AKAP6: variants seen among roughly 807,000 people sequenced by gnomAD.
The protein encoded by AKAP6 is A-kinase anchoring protein 6.
Under a neutral mutation model 188.5 loss-of-function variants are expected in AKAP6, and 58 were observed. That is an observed-to-expected ratio of 0.31 (90% CI 0.25 to 0.38). The LOEUF is 0.38. Among genes scored for constraint, AKAP6 ranks in the 10% least tolerant of loss-of-function variants. AKAP6 has a pLI of 1.00. For synonymous variants in AKAP6, 989 were observed against 998.6 expected (o/e 0.99, Z 0.18); for missense variants, 2,710 against 2,740.0 (o/e 0.99, Z 0.24).
chr14:32,683,870 A>G (rs1475030969), intron 8 of AKAP6, among the ~76,000 whole-genome samples: 1 of 152,186 alleles, frequency 6.6e-6, no homozygotes, highest in Non-Finnish European at 1.5e-5. Context: ...TCAAATAAGA[A>G]ATAGTCCCTG....
intron 9 of AKAP6, among the ~76,000 whole-genome samples, chr14:32,730,828 C>T (rs111351025): frequency 2.7e-4 from 41 of 152,274 alleles, no homozygotes; most frequent in African/African-American, 4.8e-4. Context: ...CTCCAATCAT[C>T]GCTCTGACAA....
At chr14:32,729,953 G>A (rs2031091871) in intron 9 of AKAP6, among the ~76,000 whole-genome samples, 1 of 152,074 alleles carries the variant, frequency 6.6e-6, no homozygotes, top group East Asian at 1.9e-4. Context: ...GGATAAAGTA[G>A]CCCCACTTGA....
chr14:32,825,725 G>C (rs1046538766), intron 13 of AKAP6, among the ~76,000 whole-genome samples: 47 of 152,214 alleles, frequency 3.1e-4, no homozygotes, highest in African/African-American at 1.0e-3. Flanking sequence ...TTTCAAATGT[G>C]AGAGTCATAT....
intron 4 of AKAP6, among the ~76,000 whole-genome samples, chr14:32,554,708 C>G (rs1188179551): frequency 1.3e-5 from 2 of 152,058 alleles, no homozygotes; most frequent in African/African-American, 4.8e-5. Context: ...TAAGTAGCCA[C>G]TTGTATAAGG....
At chr14:32,703,129 A>G (rs541106524) in intron 9 of AKAP6, among the ~76,000 whole-genome samples, 1 of 152,328 alleles carries the variant, frequency 6.6e-6, no homozygotes, top group East Asian at 1.9e-4. Context: ...GTTTAAAAAA[A>G]TAAAACTTGA....
rs746781296 is a variant in AKAP6, at chr14:32,735,723, G to A, written c.3213G>A (p.Leu1071=). 5 of 1,613,366 alleles carry A rather than the reference G, an allele frequency of 3.1e-6. No homozygotes were observed. Among genetic ancestry groups the A allele is most frequent in the East Asian group, 2.2e-5 (1 of 44,858 alleles). ...AGHSGSSPRD[L]LSPESGSLVR... is the part of the protein sequence containing the mutation. ...ACAGTGGGTCGAGTCCACGTGACCT[G>A]CTCTCTCCTGAAAGTGGAAGCCTGG... Residue 1071 remains leucine (L), a synonymous_variant, in exon 11 of 14, where the codon CTG becomes CTA. Transcript: ENST00000280979.
At chr14:32,639,454 A>C (rs1275255658) in intron 7 of AKAP6, among the ~76,000 whole-genome samples, 1 of 152,134 alleles carries the variant, frequency 6.6e-6, no homozygotes, top group Non-Finnish European at 1.5e-5. Flanking sequence ...AACAATCCCA[A>C]TAAAAAGAAT....
At chr14:32,543,841 A>G (rs951802895) in intron 3 of AKAP6, among the ~76,000 whole-genome samples, 1 of 152,234 alleles carries the variant, frequency 6.6e-6, no homozygotes. Context: ...GAAAGGGACA[A>G]TAGTACAGAC....
rs371760719 is a variant in AKAP6 at position 32,691,479 on chromosome 14, A to G, written c.2880-4511A>G. Among the ~76,000 whole-genome samples, 9 of 152,312 alleles carry G rather than the reference A, an allele frequency of 5.9e-5. No homozygotes were observed. In the East Asian group the frequency reaches 1.2e-3, roughly 20 times the overall value. On this transcript the variant is annotated intron_variant, in intron 8 of 13. Transcript: ENST00000280979. ...TTTCCTTACTTAAGAAGTTTCCTAT[A>G]ATACTGGGGACATTAAATTGTGGTC...
chr14:32,463,140 A>G (rs1435481086), intron 2 of AKAP6, among the ~76,000 whole-genome samples: 1 of 152,106 alleles, frequency 6.6e-6, no homozygotes, highest in Admixed American at 6.6e-5. Flanking sequence ...AGACTCCCAC[A>G]CAGTAATAGT....
intron 2 of AKAP6, among the ~76,000 whole-genome samples, chr14:32,494,058 T>A (rs146532592): frequency 2.8e-4 from 43 of 152,312 alleles, no homozygotes; most frequent in African/African-American, 1.0e-3. Context: ...TTATCCACTT[T>A]GGTGTTCTCT....
intron 3 of AKAP6, among the ~76,000 whole-genome samples, chr14:32,540,252 G>A (rs1882888664): frequency 6.8e-6 from 1 of 147,892 alleles, no homozygotes; most frequent in South Asian, 2.1e-4. Context: ...AGGCTGGAGT[G>A]CAGTGGCACG....
Position 32,535,749 on chromosome 14 carries a change from G to C in AKAP6, c.520G>C (p.Gly174Arg), listed in dbSNP as rs540792335. The change falls in exon 3 of 14, where the codon GGC (glycine) becomes CGC (arginine). Residue 174 changes from glycine (G) to arginine (R), a missense_variant. Physicochemically the swap from Gly to Arg is moderately radical, Grantham distance 125. Coordinates refer to ENST00000280979, the MANE Select transcript of AKAP6 (RefSeq NM_004274.5). The stretch of plus-strand genomic sequence containing the variant: ...TCTGCAAGGTCTGCAGGACGCCAAT[G>C]GCAACTACACTAGGCAGACGGACAT... ...RILQGLQDAN[G>R]NYTRQTDILQ... 1.2e-6 allele frequency: 2 copies of C among 1,614,210 alleles called. No homozygotes were observed. Among genetic ancestry groups the C allele is most frequent in the South Asian group, 2.2e-5 (2 of 91,080 alleles).
intron 2 of AKAP6, among the ~76,000 whole-genome samples, chr14:32,477,041 AAAG>A (rs1879104464): frequency 6.6e-6 from 1 of 152,188 alleles, no homozygotes; most frequent in Non-Finnish European, 1.5e-5. Context: ...GATCAGCAGA[AAAG>A]AAAGTTAGCT....
At chr14:32,376,053 G>T (rs1594554822) in intron 1 of AKAP6, 1 of 152,206 alleles carries the variant, frequency 6.6e-6, no homozygotes, top group Admixed American at 6.5e-5. Flanking sequence ...CTGAAAAAAA[G>T]TGTACTGTAG....
At chr14:32,741,508 G>A (rs1594899405) in intron 11 of AKAP6, among the ~76,000 whole-genome samples, 1 of 151,994 alleles carries the variant, frequency 6.6e-6, no homozygotes, top group Admixed American at 6.6e-5. Context: ...GTCGTATATA[G>A]CTTTTATTAT....
Position 32,786,306 on chromosome 14 carries a change from T to TTTTTTTTTTTTTTTTTG in AKAP6, c.3588+12429_3588+12430insGTTTTTTTTTTTTTTTT, listed in dbSNP as rs2033411737. ...AAGACCTAAACCTTTATCTTTTTTT[T>TTTTTTTTTTTTTTTTTG]TTTTTTTTTTTTTTTTTTTGAGACG... On this transcript the variant is annotated intron_variant, in intron 12 of 13. Coordinates refer to ENST00000280979, the MANE Select transcript of AKAP6 (RefSeq NM_004274.5). Among the ~76,000 whole-genome samples, 2 of 90,202 alleles carry TTTTTTTTTTTTTTTTTG rather than the reference T, an allele frequency of 2.2e-5. 1 individual carries two copies. Among genetic ancestry groups the TTTTTTTTTTTTTTTTTG allele is most frequent in the Non-Finnish European group, 4.8e-5 (2 of 41,740 alleles). The allele number at this position is 90,202 out of a possible 152,430, so 59.2% of individuals were successfully genotyped here.
chr14:32,688,062 A>C (rs1890009967), intron 8 of AKAP6, among the ~76,000 whole-genome samples: 1 of 151,874 alleles, frequency 6.6e-6, no homozygotes, highest in Non-Finnish European at 1.5e-5. Flanking sequence ...TTTTGGGAGA[A>C]GTATGACTTC....
At position 32,546,418 on chromosome 14, in the gene AKAP6, G is replaced by C; in HGVS notation, c.1765G>C (p.Asp589His). The C allele has an allele frequency of 6.2e-7, 1 of 1,614,150 alleles. No homozygotes were observed. Among genetic ancestry groups the C allele is most frequent in the Non-Finnish European group, 8.5e-7 (1 of 1,180,040 alleles). ...GAGCAGTGAATCCTCTGTTGGCTCA[G>C]ACAACATCATGTCTCCGGTGCCACT... ...TQSSESSVGS[D>H]NIMSPVPLLS... Residue 589 changes from aspartate to histidine, a missense_variant, in exon 4 of 14, where the codon GAC (aspartate) becomes CAC (histidine). Around this residue, in one of 2 missense-constraint regions of AKAP6, gnomAD observed 2,473 missense variants for 2,426.1 expected, o/e 1.02. Transcript: ENST00000280979.
Sources: allele counts gnomAD v4.1 joint callset (sites outside exome capture counted in the v4.1 genomes callset), GRCh38; gene constraint gnomAD v4.1.1; regional missense constraint gnomAD v4.1.1; transcripts MANE v1.5; gene names NCBI Gene and HGNC (gene_info 2026-07-23, HGNC 2026-07-21).